LTBP1: variants seen among roughly 807,000 people sequenced by gnomAD.
The protein encoded by LTBP1 is latent-transforming growth factor beta-binding protein 1.
LTBP1 carries 129 observed loss-of-function variants against 207.6 expected under a neutral mutation model. The ratio of observed to expected loss-of-function variants is 0.62; its 90% CI spans 0.54 to 0.72. The LOEUF is 0.72. LTBP1 is among the 30% of genes least tolerant of loss of function. The probability of loss-of-function intolerance (pLI) is 0.00; values close to 1 mark genes in which losing one functional copy is unlikely to be tolerated. For missense variants in LTBP1, 2,281 were observed against 2,217.2 expected, an observed-to-expected ratio of 1.03 and a Z score of -0.58; for synonymous variants, 963 against 833.7, an observed-to-expected ratio of 1.16 and a Z score of -2.67.
chr2:33,043,276 C>G (rs982513031), intron 3 of LTBP1, among the ~76,000 whole-genome samples: 3 of 151,986 alleles, frequency 2.0e-5, no homozygotes, highest in Non-Finnish European at 4.4e-5. Context: ...AGCTTTGATT[C>G]TCTTCCTGAC....
chr2:33,153,859 G>C (rs1192733336), intron 5 of LTBP1, among the ~76,000 whole-genome samples: 3 of 117,478 alleles, frequency 2.6e-5, no homozygotes, highest in Non-Finnish European at 3.7e-5. Flanking sequence ...GATCCACCCG[G>C]CTCCGTGTCC....
At chr2:33,017,383 G>A (rs761220594) in intron 2 of LTBP1, among the ~76,000 whole-genome samples, 8 of 152,174 alleles carry the variant, frequency 5.3e-5, no homozygotes, top group African/African-American at 1.2e-4. Context: ...GTGCATCGAC[G>A]TCGCTTGGAG....
chr2:33,021,317 A>G, intron 3 of LTBP1, 111 bp downstream of exon 3: 1 of 1,037,756 alleles, frequency 9.6e-7, no homozygotes, highest in South Asian at 1.8e-5. Flanking sequence ...TCACTTGGAT[A>G]ATAATGTTTT....
intron 18 of LTBP1, among the ~76,000 whole-genome samples, chr2:33,279,332 A>T (rs2093510496): frequency 6.6e-6 from 1 of 152,224 alleles, no homozygotes; most frequent in African/African-American, 2.4e-5. Context: ...TCACAGACTT[A>T]ACCATATTTT....
At chr2:33,007,952 T>A (rs1045059524) in intron 2 of LTBP1, among the ~76,000 whole-genome samples, 10 of 152,244 alleles carry the variant, frequency 6.6e-5, no homozygotes, top group Admixed American at 6.5e-4. Context: ...GGGGCTTGGT[T>A]TTGACTGTCT....
intron 2 of LTBP1, among the ~76,000 whole-genome samples, chr2:33,004,945 T>C (rs1686613363): frequency 1.3e-5 from 2 of 152,006 alleles, no homozygotes; most frequent in African/African-American, 4.8e-5. Context: ...TAGTATTTAG[T>C]GCTTGAAAAT....
intron 7 of LTBP1, among the ~76,000 whole-genome samples, chr2:33,195,376 A>G (rs894177908): frequency 1.3e-5 from 2 of 152,234 alleles, no homozygotes; most frequent in Non-Finnish European, 2.9e-5. Context: ...AGGTCAAAAT[A>G]TCAGCATTAA....
intron 2 of LTBP1, among the ~76,000 whole-genome samples, chr2:33,009,231 A>G (rs1197611272): frequency 1.3e-5 from 2 of 152,156 alleles, no homozygotes; most frequent in African/African-American, 4.8e-5. Flanking sequence ...TCTTTAAAGT[A>G]GAGCTAACAG....
chr2:32,953,004 G>A (rs1486746064), intron 2 of LTBP1, among the ~76,000 whole-genome samples: 2 of 152,202 alleles, frequency 1.3e-5, no homozygotes, highest in Non-Finnish European at 2.9e-5. Context: ...CCAGCTGTAG[G>A]GAGTGCAGGT....
chr2:33,326,839 T>C (rs1459588064), intron 24 of LTBP1, among the ~76,000 whole-genome samples: 1 of 151,876 alleles, frequency 6.6e-6, no homozygotes, highest in Admixed American at 6.6e-5. Context: ...TTGTATTTTC[T>C]TAGTAGGGAA....
intron 8 of LTBP1, among the ~76,000 whole-genome samples, chr2:33,218,153 G>A (rs1213245492): frequency 6.6e-6 from 1 of 152,136 alleles, no homozygotes; most frequent in Non-Finnish European, 1.5e-5. Context: ...TTGTAAAAGA[G>A]AAATTTATAA....
Position 33,134,605 on chromosome 2 carries a change from A to G in LTBP1, c.1034-188A>G, listed in dbSNP as rs2082006853. The G allele has an allele frequency of 6.5e-7, 1 of 1,536,866 alleles. No homozygotes were observed. Among genetic ancestry groups the G allele is most frequent in the Admixed American group, 2.0e-5 (1 of 50,420 alleles). On this transcript the variant is annotated intron_variant, in intron 4 of 33. Transcript: ENST00000404816. This position sits in a 1 kb window ranked among gnomAD's most constrained non-coding sequence, Gnocchi z 4.4. Reference sequence around the variant, plus strand: ...TTCCTACTCCTGTTTCAGAGACACCACTGAATACAGAGCAGCGAGCACTGA... The same window carrying G: ...TTCCTACTCCTGTTTCAGAGACACCGCTGAATACAGAGCAGCGAGCACTGA...
intron 9 of LTBP1, among the ~76,000 whole-genome samples, chr2:33,228,152 C>T (rs1476957893): frequency 6.6e-6 from 1 of 152,114 alleles, no homozygotes; most frequent in African/African-American, 2.4e-5. Flanking sequence ...GTACCAATGA[C>T]TTACAAATAA....
At chr2:33,223,495 T>C (rs2091251225) in intron 9 of LTBP1, among the ~76,000 whole-genome samples, 1 of 152,208 alleles carries the variant, frequency 6.6e-6, no homozygotes, top group African/African-American at 2.4e-5. Flanking sequence ...GAATAGTGGA[T>C]TAATCTACAT....
chr2:33,092,753 C>G (rs989442796), intron 3 of LTBP1, among the ~76,000 whole-genome samples: 2 of 152,186 alleles, frequency 1.3e-5, no homozygotes, highest in African/African-American at 2.4e-5. Flanking sequence ...AATCCTCTCT[C>G]CCCATTGCTC....
At chr2:33,271,796 A>T (rs915128626) in intron 15 of LTBP1, among the ~76,000 whole-genome samples, 1 of 151,972 alleles carries the variant, frequency 6.6e-6, no homozygotes, top group Non-Finnish European at 1.5e-5. Flanking sequence ...ACAAATAAGC[A>T]TTTTCCTATC....
intron 2 of LTBP1, among the ~76,000 whole-genome samples, chr2:33,019,404 C>T (rs958396291): frequency 2.8e-5 from 4 of 141,646 alleles, no homozygotes; most frequent in Non-Finnish European, 4.5e-5. Flanking sequence ...GGCACCATCT[C>T]GGCTCACTGT....
At chr2:33,202,851 C>G (rs752564607) in intron 7 of LTBP1, among the ~76,000 whole-genome samples, 10 of 152,162 alleles carry the variant, frequency 6.6e-5, no homozygotes, top group Non-Finnish European at 1.3e-4. Context: ...TGGGCAGTGA[C>G]TGGGGAAGGT....
At chr2:33,171,465 T>C (rs1404233935) in intron 5 of LTBP1, among the ~76,000 whole-genome samples, 1 of 149,816 alleles carries the variant, frequency 6.7e-6, no homozygotes. Flanking sequence ...AGAAAAAGAA[T>C]AAAAAGAAAC....
Sources: gnomAD v4.1 joint callset for allele counts (sites outside exome capture counted in the v4.1 genomes callset) on GRCh38, gnomAD v4.1.1 for gene constraint, Gnocchi (gnomAD v3.1) non-coding constraint, MANE v1.5 for transcripts, NCBI Gene and HGNC (gene_info 2026-07-23, HGNC 2026-07-21) for gene names.